Variants in CDK14 observed in about 807,000 individuals in gnomAD.
CDK14 encodes cyclin-dependent kinase 14.
In CDK14, 34 loss-of-function variants were observed where a neutral mutation model predicts 60.7. The ratio of observed to expected loss-of-function variants is 0.56; its 90% CI spans 0.43 to 0.75. The LOEUF (loss-of-function observed/expected upper bound fraction) is 0.75. CDK14 is among the 30% of genes least tolerant of loss of function. CDK14 has a pLI of 0.00. For missense variants in CDK14, 482 were observed against 564.1 expected (o/e 0.85, Z 1.47); for synonymous variants, 197 against 203.7 (o/e 0.97, Z 0.28).
At chr7:90,781,809 G>T (rs1805335857) in intron 4 of CDK14, among the ~76,000 whole-genome samples, 1 of 152,112 alleles carries the variant, frequency 6.6e-6, no homozygotes, top group African/African-American at 2.4e-5. Flanking sequence ...ATGCTGTTTT[G>T]GTTACTGTAG....
chr7:90,750,153 AAC>A (rs3138824), intron 4 of CDK14, among the ~76,000 whole-genome samples: 14,710 of 131,102 alleles, frequency 0.11, 828 homozygotes, highest in East Asian at 0.17. Flanking sequence ...GGGGAAAGAA[AAC>A]ACACACACAC....
chr7:91,006,702 T>G (rs1795989495), intron 10 of CDK14, among the ~76,000 whole-genome samples: 1 of 152,238 alleles, frequency 6.6e-6, no homozygotes. Flanking sequence ...AAACTTTCAC[T>G]TATATATTTT....
chr7:90,762,640 A>T (rs939625738), intron 4 of CDK14, among the ~76,000 whole-genome samples: 1 of 152,228 alleles, frequency 6.6e-6, no homozygotes, highest in African/African-American at 2.4e-5. Context: ...ACAAAGGTGC[A>T]GATTGAAAGC....
intron 7 of CDK14, 31 bp from the exon 8 acceptor site, chr7:90,917,570 T>G: frequency 6.2e-7 from 1 of 1,607,654 alleles, no homozygotes; most frequent in Non-Finnish European, 8.5e-7. Context: ...ATCTGTGTTC[T>G]GATTTTAACC....
intron 2 of CDK14, among the ~76,000 whole-genome samples, chr7:90,712,201 A>G (rs1367148487): frequency 1.3e-5 from 2 of 151,908 alleles, no homozygotes; most frequent in African/African-American, 4.8e-5. Context: ...GGCATTAGAT[A>G]TATTCACAGT....
At chr7:91,127,179 G>A (rs1273093874) in intron 14 of CDK14, among the ~76,000 whole-genome samples, 4 of 152,094 alleles carry the variant, frequency 2.6e-5, no homozygotes, top group Non-Finnish European at 5.9e-5. Flanking sequence ...TCACTAGAGG[G>A]GACAAATGCT....
At chr7:90,703,110 G>A (rs1801824653) in intron 2 of CDK14, among the ~76,000 whole-genome samples, 1 of 151,162 alleles carries the variant, frequency 6.6e-6, no homozygotes, top group African/African-American at 2.4e-5. Flanking sequence ...TGATAGTCAT[G>A]GGATTGTAGC....
At chr7:90,717,928 G>C (rs767515421) in intron 2 of CDK14, among the ~76,000 whole-genome samples, 19 of 151,942 alleles carry the variant, frequency 1.3e-4, no homozygotes, top group Non-Finnish European at 2.1e-4. Flanking sequence ...AGCAAAGACG[G>C]AGCTCCCCCC....
intron 14 of CDK14, among the ~76,000 whole-genome samples, chr7:91,160,135 T>C (rs1312595976): frequency 1.3e-5 from 2 of 152,026 alleles, no homozygotes; most frequent in African/African-American, 4.8e-5. Context: ...CTTTAGAAAA[T>C]CCGAATTACT....
intron 10 of CDK14, among the ~76,000 whole-genome samples, chr7:91,036,305 G>C (rs1206682586): frequency 6.6e-6 from 1 of 152,158 alleles, no homozygotes; most frequent in Non-Finnish European, 1.5e-5. Flanking sequence ...GCCACCCCCA[G>C]TTCCTTGCCT....
chr7:90,933,559 G>A lies in CDK14; in HGVS notation c.826+15835G>A, dbSNP rs3757816. On this transcript the variant is annotated intron_variant, in intron 8 of 14. Coordinates refer to ENST00000380050, the MANE Select transcript of CDK14 (RefSeq NM_001287135.2). ...TTTCAAACAGCTCACTGAGAAAATA[G>A]ACAATTTATATCACTAACTATATTG... Among the ~76,000 whole-genome samples the A allele has an allele frequency of 2.0e-3, 298 of 152,262 alleles. 7 individuals carry two copies. The East Asian group carries it at 0.048, about 24-fold the overall frequency.
chr7:90,786,573 T>A (rs935201302), intron 4 of CDK14, among the ~76,000 whole-genome samples: 4 of 152,102 alleles, frequency 2.6e-5, no homozygotes, highest in Non-Finnish European at 5.9e-5. Context: ...AAATTTCCAT[T>A]TTGTAAATGA....
At chr7:90,948,365 G>C (rs953714092) in intron 8 of CDK14, among the ~76,000 whole-genome samples, 3 of 152,192 alleles carry the variant, frequency 2.0e-5, no homozygotes, top group African/African-American at 7.2e-5. Context: ...CTCTGCTAAT[G>C]CAGATGTGAT....
chr7:90,710,058 A>T, intron 2 of CDK14: 1 of 896,610 alleles, frequency 1.1e-6, no homozygotes. Flanking sequence ...AAAAGGATTC[A>T]TTTTATGCAT....
chr7:90,775,221 C>CT (rs1315907084), intron 4 of CDK14, among the ~76,000 whole-genome samples: 1 of 152,142 alleles, frequency 6.6e-6, no homozygotes, highest in African/African-American at 2.4e-5. Context: ...ATCTGCTTTT[C>CT]TTTAATCCTA....
intron 5 of CDK14, among the ~76,000 whole-genome samples, chr7:90,854,354 T>A (rs1562799430): frequency 6.6e-6 from 1 of 151,792 alleles, no homozygotes; most frequent in Non-Finnish European, 1.5e-5. Flanking sequence ...TCTCTACAAA[T>A]AACTAGAAAC....
At chr7:90,902,482 G>A (rs1019314629) in intron 7 of CDK14, among the ~76,000 whole-genome samples, 10 of 152,076 alleles carry the variant, frequency 6.6e-5, no homozygotes, top group Non-Finnish European at 1.0e-4. Flanking sequence ...ATTTGACAGA[G>A]GTGTCAAGGA....
At chr7:90,597,629 A>G (rs901590122) in intron 1 of CDK14, among the ~76,000 whole-genome samples, 1 of 152,338 alleles carries the variant, frequency 6.6e-6, no homozygotes, top group East Asian at 1.9e-4. Flanking sequence ...GTCCCTAGGA[A>G]GCTGCCTAGT....
intron 4 of CDK14, among the ~76,000 whole-genome samples, chr7:90,756,993 C>A (rs1804088345): frequency 6.6e-6 from 1 of 152,162 alleles, no homozygotes; most frequent in Non-Finnish European, 1.5e-5. Context: ...CAATGTCCCA[C>A]AATCTGGGTG....
Sources: allele counts gnomAD v4.1 joint callset (sites outside exome capture counted in the v4.1 genomes callset), GRCh38; gene constraint gnomAD v4.1.1; transcripts MANE v1.5; gene names NCBI Gene and HGNC (gene_info 2026-07-23, HGNC 2026-07-21).